Variants in PDE1C observed in about 807,000 individuals in gnomAD.
The protein encoded by PDE1C is phosphodiesterase 1C.
A neutral mutation model predicts 93.1 loss-of-function variants in PDE1C; 62 were observed. That is an observed-to-expected ratio of 0.67 (90% confidence interval 0.54 to 0.82). The LOEUF (loss-of-function observed/expected upper bound fraction) is 0.82, where lower values mean the gene tolerates loss of function less well. PDE1C is among the 40% of genes least tolerant of loss of function. PDE1C has a pLI of 0.00. For missense variants in PDE1C, 742 were observed against 884.6 expected (o/e 0.84, Z 2.04); for synonymous variants, 325 against 310.1 (o/e 1.05, Z -0.50).
At chr7:32,101,448 G>A (rs914533916) in intron 3 of PDE1C, among the ~76,000 whole-genome samples, 2 of 152,120 alleles carry the variant, frequency 1.3e-5, no homozygotes, top group African/African-American at 4.8e-5. Flanking sequence ...GGGTCTGGTG[G>A]GAGGTTTTTG....
intron 1 of PDE1C, among the ~76,000 whole-genome samples, chr7:32,387,140 C>A (rs1784644820): frequency 6.6e-6 from 1 of 151,164 alleles, no homozygotes; most frequent in African/African-American, 2.4e-5. Flanking sequence ...GCCCTTAATC[C>A]ATTTAACCCT....
the PDE1C span, among the ~76,000 whole-genome samples, chr7:31,743,606 T>C: frequency 6.6e-6 from 1 of 151,852 alleles, no homozygotes; most frequent in Non-Finnish European, 1.5e-5. Flanking sequence ...AATTCTGTTC[T>C]GCAAAAAAGT....
Position 31,752,413 on chromosome 7 carries a change from G to A in PDE1C, c.*971C>T, listed in dbSNP as rs1384916435. Reference sequence around the variant, plus strand: ...ATCTCAAGGGCTTTAGATATGTAGCGTGCTGTGAAGAGGATCTGAAATGTA... The same window carrying A: ...ATCTCAAGGGCTTTAGATATGTAGCATGCTGTGAAGAGGATCTGAAATGTA... On this transcript the variant is annotated 3_prime_UTR_variant, in exon 18 of 18. Transcript: ENST00000396191. 2 of 152,114 alleles carry A rather than the reference G, an allele frequency of 1.3e-5. No homozygotes were observed. Among genetic ancestry groups the A allele is most frequent in the Admixed American group, 6.5e-5 (1 of 15,272 alleles). 9.4% of individuals were successfully genotyped at this position (152,114 alleles called of 1,614,324 possible). A position where few individuals can be genotyped will look rare whatever the true frequency, so the allele number is the denominator to read the frequency against.
At chr7:32,379,978 T>G (rs537830121) in intron 1 of PDE1C, among the ~76,000 whole-genome samples, 5 of 152,334 alleles carry the variant, frequency 3.3e-5, no homozygotes, top group Non-Finnish European at 4.4e-5. Flanking sequence ...CTCCATCCCC[T>G]TTTGCTACTC....
intron 2 of PDE1C, among the ~76,000 whole-genome samples, chr7:32,009,523 C>A (rs1438198673): frequency 2.0e-5 from 3 of 152,116 alleles, no homozygotes; most frequent in Non-Finnish European, 4.4e-5. Context: ...GGTCCTCAAG[C>A]CAAAAATTTA....
the PDE1C span, chr7:31,652,140 A>G: frequency 9.9e-7 from 1 of 1,009,106 alleles, no homozygotes; most frequent in East Asian, 2.6e-5. Context: ...CAATCATTTC[A>G]GAATCTAGGT....
chr7:31,931,039 C>G lies in PDE1C; in HGVS notation c.129-50179G>C, dbSNP rs151282383. ...AAGGCCTTCAGTAAAATTCAACATC[C>G]CTTCATGCTAAAAGCACTCAACAAA... On this transcript the variant is annotated intron_variant, in intron 2 of 17. Coordinates refer to ENST00000396191, the MANE Select transcript of PDE1C (RefSeq NM_001191057.4). 2.2e-3 allele frequency among the ~76,000 whole-genome samples: 340 copies of G among 152,096 alleles called. 2 individuals are homozygous for G. The highest frequency in any genetic ancestry group is 7.9e-3 in the African/African-American group (327 of 41,494).
chr7:31,664,604 C>A, the PDE1C span, among the ~76,000 whole-genome samples: 1 of 152,196 alleles, frequency 6.6e-6, no homozygotes, highest in East Asian at 1.9e-4. Context: ...GTACCTGAAT[C>A]CTCCTGGATT....
At chr7:32,183,321 A>C (rs1803577181) in intron 2 of PDE1C, among the ~76,000 whole-genome samples, 1 of 152,188 alleles carries the variant, frequency 6.6e-6, no homozygotes, top group Non-Finnish European at 1.5e-5. Context: ...AGGTGGAACC[A>C]AAAAAGAGCC....
intron 2 of PDE1C, among the ~76,000 whole-genome samples, chr7:31,964,326 G>A (rs992342148): frequency 6.6e-6 from 1 of 152,222 alleles, no homozygotes; most frequent in African/African-American, 2.4e-5. Context: ...ACCTGGCTTG[G>A]AGGGTCCTAT....
chr7:31,916,828 A>G (rs935095215), intron 2 of PDE1C, among the ~76,000 whole-genome samples: 1 of 152,210 alleles, frequency 6.6e-6, no homozygotes, highest in African/African-American at 2.4e-5. Flanking sequence ...CTATCATGAC[A>G]GTATCAGTTC....
At chr7:31,721,222 C>G in the PDE1C span, among the ~76,000 whole-genome samples, 1 of 152,198 alleles carries the variant, frequency 6.6e-6, no homozygotes, top group Admixed American at 6.5e-5. Flanking sequence ...GTTCACCATT[C>G]AGAAATGATC....
intron 11 of PDE1C, among the ~76,000 whole-genome samples, chr7:31,836,883 GA>G (rs1053213285): frequency 2.6e-4 from 39 of 150,500 alleles, no homozygotes; most frequent in African/African-American, 5.9e-4. Flanking sequence ...CGAGCCACTA[GA>G]AAAAAAAAGT....
At chr7:32,066,397 T>A (rs1795410066) in intron 1 of PDE1C, among the ~76,000 whole-genome samples, 1 of 152,204 alleles carries the variant, frequency 6.6e-6, no homozygotes, top group East Asian at 1.9e-4. Context: ...AGCATCATCA[T>A]CTTCATGGAG....
upstream of PDE1C, among the ~76,000 whole-genome samples, chr7:32,072,753 T>A (rs1038312853): frequency 6.6e-6 from 1 of 152,180 alleles, no homozygotes; most frequent in Non-Finnish European, 1.5e-5. Context: ...GTAAGAAAAC[T>A]GAAGCACCAG....
intron 1 of PDE1C, among the ~76,000 whole-genome samples, chr7:32,346,104 A>G (rs983633197): frequency 6.6e-6 from 1 of 152,228 alleles, no homozygotes; most frequent in African/African-American, 2.4e-5. Flanking sequence ...TGGATAAGCA[A>G]ACGATATGTC....
In PDE1C at chr7:32,084,186, G is replaced by A. The variant is rs1207070073; in HGVS notation, c.308+85599C>T. On this transcript the variant is annotated intron_variant, in intron 3 of 18. Coordinates refer to the PDE1C transcript ENST00000396193. The stretch of plus-strand genomic sequence containing the variant: ...ACCAAGCAAATGGAAAACAAAAAAA[G>A]GCAGGGGTTGCAATCCTAGTCTCTG... Among the ~76,000 whole-genome samples, 3 of 151,712 alleles carry A rather than the reference G, an allele frequency of 2.0e-5. No individual in the cohort carries two copies. In the East Asian group the frequency reaches 5.8e-4, roughly 29 times the overall value.
At chr7:32,186,077 T>C (rs1455547209) in intron 2 of PDE1C, among the ~76,000 whole-genome samples, 1 of 112,224 alleles carries the variant, frequency 8.9e-6, no homozygotes, top group Non-Finnish European at 1.8e-5. Flanking sequence ...TTTCCCTAAT[T>C]TGTTTTTTTG....
chr7:32,076,837 T>G (rs533833887), intron 3 of PDE1C, among the ~76,000 whole-genome samples: 1 of 151,774 alleles, frequency 6.6e-6, no homozygotes, highest in African/African-American at 2.4e-5. Context: ...CCCCACCAAT[T>G]TTTTTTAACT....
Sources: gnomAD v4.1 joint callset for allele counts (sites outside exome capture counted in the v4.1 genomes callset) on GRCh38, gnomAD v4.1.1 for gene constraint, MANE v1.5 for transcripts, NCBI Gene and HGNC (gene_info 2026-07-23, HGNC 2026-07-21) for gene names.